The following DNAH3 variants were observed in gnomAD, a reference collection of about 807,000 sequenced individuals.
DNAH3 encodes axonemal beta dynein heavy chain 3.
Under a neutral mutation model 432.5 loss-of-function variants are expected in DNAH3, and 332 were observed. That is an observed-to-expected ratio of 0.77 (90% CI 0.70 to 0.84). The LOEUF (loss-of-function observed/expected upper bound fraction) is 0.84, where lower values mean the gene tolerates loss of function less well. Ranked by LOEUF, DNAH3 falls within the 40% of genes least tolerant of loss-of-function variation. DNAH3 has a pLI of 0.00. For missense variants in DNAH3, 4,861 were observed against 5,114.0 expected (o/e 0.95, Z 1.51); for synonymous variants, 1,956 against 1,900.2 (o/e 1.03, Z -0.76).
chr16:20,933,427 A>G, exon 62 of DNAH3: 1 of 1,614,124 alleles, frequency 6.2e-7, no homozygotes, highest in South Asian at 1.1e-5. Flanking sequence ...TCCTGTCCCA[A>G]CGGGCACCTT....
Position 21,027,021 on chromosome 16 carries a change from C to G in DNAH3, c.5540+6G>C. On this transcript the variant is annotated splice_donor_region_variant and intron_variant, in intron 38 of 61. Transcript: ENST00000261383. ...TCCCCCGGGGTGCCAGTGAGGGCTGCCTCACCTGCTCACAGTGGCTGGAGA... is the reference window on the plus strand; with the variant it reads ...TCCCCCGGGGTGCCAGTGAGGGCTGGCTCACCTGCTCACAGTGGCTGGAGA... 6 of 1,612,190 alleles carry G rather than the reference C, an allele frequency of 3.7e-6. No individual in the cohort carries two copies. Among genetic ancestry groups the G allele is most frequent in the Non-Finnish European group, 5.1e-6 (6 of 1,178,530 alleles).
chr16:21,090,551 T>C (rs1030163705), intron 18 of DNAH3, among the ~76,000 whole-genome samples: 1 of 152,152 alleles, frequency 6.6e-6, no homozygotes, highest in Non-Finnish European at 1.5e-5. Context: ...CAATATAATA[T>C]ACAGTATTAA....
At chr16:20,960,182 C>T (rs2084754323) in intron 53 of DNAH3, among the ~76,000 whole-genome samples, 1 of 151,998 alleles carries the variant, frequency 6.6e-6, no homozygotes, top group Non-Finnish European at 1.5e-5. Context: ...AGGTCTCTTC[C>T]ACACTAGTAC....
At chr16:21,054,365 A>T in intron 28 of DNAH3, 55 bp downstream of exon 28, 1 of 1,334,208 alleles carries the variant, frequency 7.5e-7, no homozygotes, top group East Asian at 2.3e-5. Flanking sequence ...GATGAGCAAG[A>T]CTAGACTGCT....
intron 41 of DNAH3, among the ~76,000 whole-genome samples, chr16:21,008,009 A>T (rs553210483): frequency 6.6e-6 from 1 of 152,326 alleles, no homozygotes; most frequent in East Asian, 1.9e-4. Flanking sequence ...AGTCACCATA[A>T]ATGCAAGAGT....
chr16:21,048,539 G>A (rs370102493), intron 31 of DNAH3, among the ~76,000 whole-genome samples: 54 of 152,270 alleles, frequency 3.5e-4, no homozygotes, highest in African/African-American at 1.3e-3. Context: ...TTCGGCTGGC[G>A]CACGGTGCAC....
chr16:21,135,805 G>A (rs1196750248), intron 6 of DNAH3, among the ~76,000 whole-genome samples: 3 of 150,972 alleles, frequency 2.0e-5, no homozygotes, highest in African/African-American at 2.4e-5. Context: ...TTGGGAGGCC[G>A]AGGCAGGAGG....
intron 37 of DNAH3, among the ~76,000 whole-genome samples, chr16:21,030,146 T>C (rs1442081622): frequency 6.6e-6 from 1 of 152,214 alleles, no homozygotes; most frequent in Non-Finnish European, 1.5e-5. Context: ...TTTTGCAATG[T>C]GACCTGTCTG....
At chr16:20,987,221 G>T in intron 47 of DNAH3, 84 bp downstream of exon 47, 1 of 1,545,540 alleles carries the variant, frequency 6.5e-7, no homozygotes, top group Non-Finnish European at 8.8e-7. Context: ...GTCTCCAACA[G>T]GAAGGGAACC....
Position 21,081,618 on chromosome 16 carries a change from G to T in DNAH3, c.2969+18C>A. 2 of 1,600,162 alleles carry T rather than the reference G, an allele frequency of 1.2e-6. No homozygotes were observed. The highest frequency in any genetic ancestry group is 1.7e-6 in the Non-Finnish European group (2 of 1,168,396). ...CCTTTGACCAAAACCTTATCTGAAG[G>T]AGGGGATAAGCCCTTACTTTTCAAC... On this transcript the variant is annotated intron_variant, in intron 20 of 61. Coordinates refer to ENST00000261383, the Ensembl canonical transcript of DNAH3.
Position 20,966,163 on chromosome 16 carries a change from G to C in DNAH3, c.8459-738C>G, listed in dbSNP as rs544327861. ...AGCGATTCTCCTACCTCAGCCTCCCGAGCAGCTGGGATTACAGGCACCCAC... is the reference window on the plus strand; with the variant it reads ...AGCGATTCTCCTACCTCAGCCTCCCCAGCAGCTGGGATTACAGGCACCCAC... On this transcript the variant is annotated intron_variant, in intron 52 of 61. Coordinates refer to ENST00000261383, the Ensembl canonical transcript of DNAH3. Among the ~76,000 whole-genome samples, 4 of 148,620 alleles carry C rather than the reference G, an allele frequency of 2.7e-5. No individual in the cohort carries two copies. In the South Asian group the frequency reaches 8.6e-4, roughly 32 times the overall value.
chr16:20,948,713 G>T, intron 56 of DNAH3, 76 bp from the exon 57 acceptor site: 2 of 1,495,924 alleles, frequency 1.3e-6, no homozygotes, highest in Non-Finnish European at 9.2e-7. Flanking sequence ...GTAAAACACG[G>T]CATTCTTCCG....
exon 56 of DNAH3, chr16:20,952,522 T>G (rs773372645): frequency 6.2e-7 from 1 of 1,612,572 alleles, no homozygotes; most frequent in Non-Finnish European, 8.5e-7. Context: ...CAGGTCAGAT[T>G]CGTTGAATTC....
chr16:21,154,216 C>A (rs957956702), intron 1 of DNAH3, among the ~76,000 whole-genome samples: 4 of 152,170 alleles, frequency 2.6e-5, no homozygotes, highest in Admixed American at 2.6e-4. Flanking sequence ...CCAACCTGGC[C>A]AACATGGTGA....
At chr16:21,087,112 T>C (rs760863316) in intron 18 of DNAH3, 52 bp from the exon 19 acceptor site, 3 of 1,439,178 alleles carry the variant, frequency 2.1e-6, no homozygotes, top group African/African-American at 1.4e-5. Flanking sequence ...ATGTTAGTCA[T>C]GCGTACCTTT....
chr16:21,132,454 G>A (rs1271389427), intron 7 of DNAH3, among the ~76,000 whole-genome samples: 1 of 152,146 alleles, frequency 6.6e-6, no homozygotes, highest in East Asian at 1.9e-4. Flanking sequence ...CCTTCTTGAA[G>A]GGCTCACTAA....
chr16:20,941,563 A>C lies in DNAH3; in HGVS notation c.11512-20T>G. 1 of 1,613,368 alleles carries C rather than the reference A, an allele frequency of 6.2e-7. No homozygotes were observed. Among genetic ancestry groups the C allele is most frequent in the Non-Finnish European group, 8.5e-7 (1 of 1,179,798 alleles). Reference sequence around the variant, plus strand: ...CACTTCCTTAAAATGCAGGCAGAAGAGAGGTGAGTGAGAAGCAAGCCCTAC... The same window carrying C: ...CACTTCCTTAAAATGCAGGCAGAAGCGAGGTGAGTGAGAAGCAAGCCCTAC... On this transcript the variant is annotated intron_variant, in intron 58 of 61. Coordinates refer to ENST00000261383, the Ensembl canonical transcript of DNAH3.
intron 53 of DNAH3, among the ~76,000 whole-genome samples, chr16:20,959,828 T>TA (rs527783442): frequency 5.3e-5 from 8 of 151,918 alleles, no homozygotes; most frequent in Middle Eastern, 3.4e-3. Context: ...ACATTCTTGA[T>TA]AAAAAAAGAA....
At chr16:21,154,635 A>G (rs1346339895) in intron 1 of DNAH3, among the ~76,000 whole-genome samples, 1 of 152,212 alleles carries the variant, frequency 6.6e-6, no homozygotes, top group Non-Finnish European at 1.5e-5. Context: ...ACAACCTAGA[A>G]TATAAATATC....
Sources: allele counts gnomAD v4.1 joint callset (sites outside exome capture counted in the v4.1 genomes callset), GRCh38; gene constraint gnomAD v4.1.1; transcripts MANE v1.5; gene names NCBI Gene and HGNC (gene_info 2026-07-23, HGNC 2026-07-21).